NTRK3: variants seen among roughly 807,000 people sequenced by gnomAD.
The protein encoded by NTRK3 is neurotrophic receptor tyrosine kinase 3, also known as NT-3 growth factor receptor.
NTRK3 carries 24 observed loss-of-function variants against 91.7 expected under a neutral mutation model. The ratio of observed to expected loss-of-function variants is 0.26; its 90% confidence interval spans 0.19 to 0.37. The LOEUF is 0.37. Among genes scored for constraint, NTRK3 ranks in the 10% least tolerant of loss-of-function variants. The probability of loss-of-function intolerance (pLI) is 1.00; values close to 1 mark genes in which losing one functional copy is unlikely to be tolerated. For missense variants in NTRK3, 880 were observed against 1,068.9 expected (o/e 0.82, Z 2.46); for synonymous variants, 483 against 404.0 (o/e 1.20, Z -2.34).
At chr15:88,064,656 C>A (rs1367794335) in intron 13 of NTRK3, among the ~76,000 whole-genome samples, 1 of 152,164 alleles carries the variant, frequency 6.6e-6, no homozygotes, top group African/African-American at 2.4e-5. Context: ...TCCAGTGCCC[C>A]CTCCACTGCA....
intron 14 of NTRK3, among the ~76,000 whole-genome samples, chr15:88,018,530 A>G (rs1000078041): frequency 6.6e-6 from 1 of 152,204 alleles, no homozygotes; most frequent in African/African-American, 2.4e-5. Flanking sequence ...GAAATGCCTA[A>G]TCTGTAAAGT....
chr15:87,928,872 C>A, intron 17 of NTRK3: 1 of 537,006 alleles, frequency 1.9e-6, no homozygotes, highest in South Asian at 2.2e-5. Context: ...TGTTTGGGCA[C>A]ATACATATAC....
chr15:87,888,008 G>A (rs764382541), intron 17 of NTRK3, among the ~76,000 whole-genome samples: 2 of 152,130 alleles, frequency 1.3e-5, no homozygotes, highest in Non-Finnish European at 2.9e-5. Context: ...AAGTAATAAG[G>A]CACAGGAAAT....
At chr15:88,066,095 T>C (rs1475505323) in intron 13 of NTRK3, among the ~76,000 whole-genome samples, 1 of 152,226 alleles carries the variant, frequency 6.6e-6, no homozygotes, top group African/African-American at 2.4e-5. Context: ...TTCTCCCCTA[T>C]GGAGAGATAA....
At chr15:88,087,472 C>A (rs1314714040) in intron 13 of NTRK3, among the ~76,000 whole-genome samples, 1 of 152,180 alleles carries the variant, frequency 6.6e-6, no homozygotes, top group African/African-American at 2.4e-5. Flanking sequence ...CTCATGAATT[C>A]CGGTCCTTAG....
intron 5 of NTRK3, among the ~76,000 whole-genome samples, chr15:88,150,276 C>T (rs1450017785): frequency 6.6e-6 from 1 of 152,120 alleles, no homozygotes; most frequent in African/African-American, 2.4e-5. Context: ...CTGGGGAACC[C>T]GAGGCAGAGA....
intron 14 of NTRK3, among the ~76,000 whole-genome samples, chr15:87,952,243 AAG>A (rs1208278553): frequency 6.6e-6 from 1 of 151,774 alleles, no homozygotes; most frequent in Non-Finnish European, 1.5e-5. Flanking sequence ...AGAAAAGAAA[AAG>A]AAAGAAAGAG....
chr15:87,976,937 C>A (rs972677321), intron 14 of NTRK3, among the ~76,000 whole-genome samples: 1 of 151,990 alleles, frequency 6.6e-6, no homozygotes, highest in African/African-American at 2.4e-5. Context: ...CACTCTCAGA[C>A]CCCCATATAT....
At chr15:88,008,154 C>G (rs2076621724) in intron 14 of NTRK3, among the ~76,000 whole-genome samples, 1 of 152,090 alleles carries the variant, frequency 6.6e-6, no homozygotes, top group African/African-American at 2.4e-5. Flanking sequence ...AGAGCAGAAT[C>G]CTAAAACTCA....
chr15:87,997,524 T>C (rs1290716494), intron 14 of NTRK3, among the ~76,000 whole-genome samples: 1 of 152,142 alleles, frequency 6.6e-6, no homozygotes, highest in African/African-American at 2.4e-5. Context: ...TACCTGCAAA[T>C]ATATCACAAA....
At chr15:87,958,035 A>G (rs1173440793) in intron 14 of NTRK3, among the ~76,000 whole-genome samples, 1 of 152,128 alleles carries the variant, frequency 6.6e-6, no homozygotes, top group Non-Finnish European at 1.5e-5. Flanking sequence ...TAGAGCAGAA[A>G]TGTCTACCAT....
Position 88,137,566 on chromosome 15 carries a change from C to T in NTRK3, c.465-5G>A, listed in dbSNP as rs775512422. 10 of 1,613,282 alleles carry T rather than the reference C, an allele frequency of 6.2e-6. No homozygotes were observed. Among genetic ancestry groups the T allele is most frequent in the East Asian group, 4.5e-5 (2 of 44,880 alleles). Reference sequence around the variant, plus strand: ...AAAAAGTTCTGCTCCAACTGCCTGTCGGCAAAGAGAGAGGGGAAGGGAACC... The same window carrying T: ...AAAAAGTTCTGCTCCAACTGCCTGTTGGCAAAGAGAGAGGGGAAGGGAACC... On this transcript the variant is annotated splice_polypyrimidine_tract_variant and splice_region_variant and intron_variant, in intron 6 of 18. Coordinates refer to ENST00000394480, the Ensembl canonical transcript of NTRK3.
intron 14 of NTRK3, among the ~76,000 whole-genome samples, chr15:87,973,590 G>T (rs2141290266): frequency 6.6e-6 from 1 of 152,244 alleles, no homozygotes; most frequent in South Asian, 2.1e-4. Flanking sequence ...GCTATCCAAG[G>T]AATCTGGAGG....
intron 3 of NTRK3, among the ~76,000 whole-genome samples, chr15:88,205,382 C>T (rs972044263): frequency 2.0e-5 from 3 of 152,174 alleles, no homozygotes. Context: ...ACCAGCCAGG[C>T]CTTTGAGGCC....
intron 5 of NTRK3, among the ~76,000 whole-genome samples, chr15:88,182,540 C>A (rs1217912909): frequency 6.6e-6 from 1 of 152,144 alleles, no homozygotes; most frequent in Non-Finnish European, 1.5e-5. Flanking sequence ...TCCCCAAAGG[C>A]AATAGACCCC....
intron 15 of NTRK3, among the ~76,000 whole-genome samples, chr15:87,934,150 T>A (rs1232788129): frequency 6.6e-6 from 1 of 152,168 alleles, no homozygotes; most frequent in Non-Finnish European, 1.5e-5. Context: ...GCTGGCCAGA[T>A]GGAAAATGGT....
chr15:88,203,556 C>T (rs558243436), intron 3 of NTRK3, among the ~76,000 whole-genome samples: 44 of 152,246 alleles, frequency 2.9e-4, no homozygotes, highest in African/African-American at 1.0e-3. Context: ...AAACCTCACA[C>T]GGCTAAAAGA....
intron 14 of NTRK3, 62 bp downstream of exon 14, chr15:88,032,795 A>C (rs2078670338): frequency 2.5e-6 from 4 of 1,586,080 alleles, no homozygotes; most frequent in African/African-American, 1.3e-5. Context: ...CCCCAGGTAC[A>C]TGGTCTATCA....
chr15:88,083,218 G>T (rs1406203424), intron 13 of NTRK3, among the ~76,000 whole-genome samples: 1 of 151,984 alleles, frequency 6.6e-6, no homozygotes, highest in East Asian at 1.9e-4. Context: ...AGAGGGGAGT[G>T]GTATTTCTTT....
Sources: allele counts gnomAD v4.1 joint callset (sites outside exome capture counted in the v4.1 genomes callset), GRCh38; gene constraint gnomAD v4.1.1; transcripts MANE v1.5; gene names NCBI Gene and HGNC (gene_info 2026-07-23, HGNC 2026-07-21).